CIBAR1: variants seen among roughly 807,000 people sequenced by gnomAD.
CIBAR1 encodes CBY1-interacting BAR domain-containing protein 1.
Under a neutral mutation model 44.0 loss-of-function variants are expected in CIBAR1, and 25 were observed. The ratio of observed to expected loss-of-function variants is 0.57; its 90% CI spans 0.41 to 0.79. CIBAR1 has a LOEUF of 0.79. Ranked by LOEUF, CIBAR1 falls within the 30% of genes least tolerant of loss-of-function variation. The probability of loss-of-function intolerance (pLI) is 0.00; values close to 1 mark genes in which losing one functional copy is unlikely to be tolerated. For missense variants in CIBAR1, 278 were observed against 344.8 expected (o/e 0.81, Z 1.53); for synonymous variants, 115 against 119.0 (o/e 0.97, Z 0.22).
In CIBAR1 at chr8:93,729,136, T is replaced by G. The variant is rs962163722; in HGVS notation, c.*839T>G. ...CTTCTCTTTTGGTAAGGAATACTTT[T>G]ATTTCATGGATCCCAGGCAGGCATA... is the stretch of plus-strand genomic sequence containing the variant. On this transcript the variant is annotated 3_prime_UTR_variant, in exon 9 of 9. Coordinates refer to ENST00000518322, the MANE Select transcript of CIBAR1 (RefSeq NM_145269.5). The G allele has an allele frequency of 8.5e-5, 13 of 152,284 alleles. No homozygotes were observed. The highest frequency in any genetic ancestry group is 3.1e-4 in the African/African-American group (13 of 41,586). The allele number at this position is 152,284 out of a possible 1,614,324, so 9.4% of individuals were successfully genotyped here. A position where few individuals can be genotyped will look rare whatever the true frequency, so the allele number is the denominator to read the frequency against.
chr8:93,722,703 A>C lies in CIBAR1; in HGVS notation c.658-3691A>C, dbSNP rs547929092. Among the ~76,000 whole-genome samples, 73 of 149,064 alleles carry C rather than the reference A, an allele frequency of 4.9e-4. 1 individual carries two copies. The highest frequency in any genetic ancestry group is 3.6e-3 in the Admixed American group (54 of 14,972). ...TGACAGGGTGAGACTCTATCTCACA[A>C]AAAAAAAAAATATTGTCAGGTCACC... On this transcript the variant is annotated intron_variant, in intron 7 of 8. Coordinates refer to ENST00000518322, the MANE Select transcript of CIBAR1 (RefSeq NM_145269.5).
chr8:93,728,287 T>G lies in CIBAR1; in HGVS notation c.860T>G (p.Phe287Cys), dbSNP rs767892526. ...DELDVTEEEN[F>C]LK Reference sequence around the variant, plus strand: ...TTAGATGTTACAGAAGAAGAAAATTTTCTTAAGTAAACTACACATTTCCAT... The same window carrying G: ...TTAGATGTTACAGAAGAAGAAAATTGTCTTAAGTAAACTACACATTTCCAT... The change falls in exon 9 of 9, where the codon TTT becomes TGT. Residue 287 changes from phenylalanine (F) to cysteine (C), a missense_variant. Physicochemically the swap from Phe to Cys is radical, Grantham distance 205. Transcript: ENST00000518322. 5.7e-6 allele frequency: 9 copies of G among 1,581,322 alleles called. No individual in the cohort carries two copies.
intron 1 of CIBAR1, 116 bp from the exon 2 acceptor site, chr8:93,701,108 T>G (rs1810332291): frequency 6.7e-7 from 1 of 1,493,120 alleles, no homozygotes; most frequent in African/African-American, 1.4e-5. Flanking sequence ...GGGTCGTTGA[T>G]GGGTTTACGC....
intron 7 of CIBAR1, among the ~76,000 whole-genome samples, chr8:93,721,905 C>T (rs1326451631): frequency 1.3e-5 from 2 of 151,912 alleles, no homozygotes; most frequent in Non-Finnish European, 2.9e-5. Flanking sequence ...TTGAGGGATG[C>T]ATGGGAGGAT....
At chr8:93,718,867 A>AT in intron 7 of CIBAR1, 79 bp downstream of exon 7, 1 of 925,074 alleles carries the variant, frequency 1.1e-6, no homozygotes, top group Non-Finnish European at 1.6e-6. Flanking sequence ...TGTGATTAAT[A>AT]TCTTTTTTTT....
chr8:93,720,566 T>C (rs1456967346), intron 7 of CIBAR1, among the ~76,000 whole-genome samples: 1 of 152,168 alleles, frequency 6.6e-6, no homozygotes, highest in Non-Finnish European at 1.5e-5. Flanking sequence ...TTTCATGTCC[T>C]GCTTTTAAAA....
At chr8:93,725,665 C>T (rs1811460434) in intron 7 of CIBAR1, among the ~76,000 whole-genome samples, 1 of 150,710 alleles carries the variant, frequency 6.6e-6, no homozygotes, top group Middle Eastern at 3.5e-3. Flanking sequence ...CCTGTGACAA[C>T]AAAAGCTTTT....
rs748816700 is a variant in CIBAR1, at chr8:93,708,011, T to C, written c.433T>C (p.Ser145Pro). Residue 145 changes from serine to proline, a missense_variant and splice_region_variant, in exon 5 of 9, where the codon TCA becomes CCA. Transcript: ENST00000518322. Reference sequence around the variant, plus strand: ...TTTTTTCCTTTATGAAAAATTTCAGTCACAGGTGGGTAATAAAGTGGTGTG... The same window carrying C: ...TTTTTTCCTTTATGAAAAATTTCAGCCACAGGTGGGTAATAAAGTGGTGTG... ...QRNPSDRHVI[S>P]QAETELQRAA... The C allele has an allele frequency of 4.5e-6, 7 of 1,567,878 alleles. No homozygotes were observed. The East Asian group carries it at 1.4e-4, about 30-fold the overall frequency.
chr8:93,727,014 C>T (rs544856199), intron 8 of CIBAR1: 1 of 458,318 alleles, frequency 2.2e-6, no homozygotes, highest in South Asian at 1.6e-5. Context: ...TGGAGACTAA[C>T]ATTCTTAGGC....
chr8:93,723,285 G>A (rs759587725), intron 7 of CIBAR1, among the ~76,000 whole-genome samples: 5 of 152,170 alleles, frequency 3.3e-5, no homozygotes, highest in East Asian at 1.9e-4. Context: ...CGTGAGCCAC[G>A]GTGCCCGGCC....
At chr8:93,725,042 T>G (rs755056209) in intron 7 of CIBAR1, among the ~76,000 whole-genome samples, 1 of 152,058 alleles carries the variant, frequency 6.6e-6, no homozygotes, top group Non-Finnish European at 1.5e-5. Flanking sequence ...CAGTGGCGTG[T>G]TGTGATCTTG....
chr8:93,723,214 T>C (rs1024040566), intron 7 of CIBAR1, among the ~76,000 whole-genome samples: 6 of 152,186 alleles, frequency 3.9e-5, no homozygotes, highest in Non-Finnish European at 7.3e-5. Context: ...GCCAGGATGG[T>C]CTCGATCTCC....
intron 1 of CIBAR1, chr8:93,700,928 C>G: frequency 7.4e-7 from 1 of 1,359,514 alleles, no homozygotes. Flanking sequence ...GCGGGCAGTG[C>G]GGAAGCCTAG....
rs1811740771 is a variant in CIBAR1 at position 93,730,373 on chromosome 8, C to G, written c.*2076C>G. 1 of 152,128 alleles carries G rather than the reference C, an allele frequency of 6.6e-6. No homozygotes were observed. The highest frequency in any genetic ancestry group is 1.5e-5 in the Non-Finnish European group (1 of 68,028). 9.4% of individuals were successfully genotyped at this position (152,128 alleles called of 1,614,324 possible). A position where few individuals can be genotyped will look rare whatever the true frequency, so the allele number is the denominator to read the frequency against. On this transcript the variant is annotated 3_prime_UTR_variant, in exon 9 of 9. Transcript: ENST00000518322. ...ACCTATCTCTTGGTTGTGGGATTGA[C>G]TTTCTAGACATGATCTACATTTTTT...
intron 6 of CIBAR1, among the ~76,000 whole-genome samples, chr8:93,716,857 A>G (rs1461713073): frequency 6.6e-6 from 1 of 152,248 alleles, no homozygotes; most frequent in Non-Finnish European, 1.5e-5. Context: ...ATGGATAAAC[A>G]GTTCTCTTAC....
In CIBAR1 at chr8:93,717,246, C is replaced by T. The variant is rs750662030; in HGVS notation, c.544-1429C>T. Among the ~76,000 whole-genome samples, 4 of 152,232 alleles carry T rather than the reference C, an allele frequency of 2.6e-5. No homozygotes were observed. The East Asian group carries it at 7.7e-4, about 29-fold the overall frequency. On this transcript the variant is annotated intron_variant, in intron 6 of 8. Coordinates refer to ENST00000518322, the MANE Select transcript of CIBAR1 (RefSeq NM_145269.5). Reference sequence around the variant, plus strand: ...AGTTTCCACACTCAAGAAAACCTGACTCCTTTCTGGTTTGCAACTATCATA... The same window carrying T: ...AGTTTCCACACTCAAGAAAACCTGATTCCTTTCTGGTTTGCAACTATCATA...
chr8:93,715,756 TATG>T (rs1811015785), intron 6 of CIBAR1: 1 of 152,218 alleles, frequency 6.6e-6, no homozygotes. Context: ...TTGTTATCTT[TATG>T]ATATTCTGCA....
chr8:93,727,073 T>A, intron 8 of CIBAR1: 1 of 589,110 alleles, frequency 1.7e-6, no homozygotes, highest in Non-Finnish European at 2.9e-6. Flanking sequence ...TAACAACTGT[T>A]AAGTAACACA....
At chr8:93,724,551 C>T (rs1307859325) in intron 7 of CIBAR1, 3 of 1,240,178 alleles carry the variant, frequency 2.4e-6, no homozygotes, top group South Asian at 2.5e-5. Context: ...TCTTGAACTC[C>T]TGGGGCTCAA....
Sources: gnomAD v4.1 joint callset for allele counts (sites outside exome capture counted in the v4.1 genomes callset) on GRCh38, gnomAD v4.1.1 for gene constraint, MANE v1.5 for transcripts, NCBI Gene and HGNC (gene_info 2026-07-23, HGNC 2026-07-21) for gene names.